The following HDAC9 variants were observed in gnomAD, a reference collection of about 807,000 sequenced individuals.
The protein encoded by HDAC9 is MEF-2 interacting transcription repressor (MITR) protein.
A neutral mutation model predicts 139.4 loss-of-function variants in HDAC9; 41 were observed. That is an observed-to-expected ratio of 0.29 (90% CI 0.23 to 0.38). The LOEUF is 0.38. Among genes scored for constraint, HDAC9 ranks in the 10% least tolerant of loss-of-function variants. HDAC9 has a pLI of 1.00. For synonymous variants in HDAC9, 517 were observed against 476.2 expected (o/e 1.09, Z -1.12); for missense variants, 1,147 against 1,297.0 (o/e 0.88, Z 1.78).
chr7:18,826,387 G>A (rs905363909), intron 17 of HDAC9, among the ~76,000 whole-genome samples: 1 of 152,092 alleles, frequency 6.6e-6, no homozygotes, highest in East Asian at 1.9e-4. Context: ...AAGGAAAGGG[G>A]GGCACTCAGA....
intron 1 of HDAC9, among the ~76,000 whole-genome samples, chr7:18,338,031 G>A (rs1781711407): frequency 6.6e-6 from 1 of 151,634 alleles, no homozygotes; most frequent in South Asian, 2.1e-4. Flanking sequence ...GCAACTTTAA[G>A]GCATTACTAT....
chr7:18,324,541 G>A (rs1800289540), intron 1 of HDAC9, among the ~76,000 whole-genome samples: 1 of 152,056 alleles, frequency 6.6e-6, no homozygotes, highest in African/African-American at 2.4e-5. Context: ...CTTTTAAATG[G>A]CTTACGGTTT....
intron 1 of HDAC9, among the ~76,000 whole-genome samples, chr7:18,354,455 A>C (rs985394881): frequency 6.6e-6 from 1 of 152,194 alleles, no homozygotes; most frequent in African/African-American, 2.4e-5. Flanking sequence ...AGGAGAGAAG[A>C]ATTAATCGCA....
At chr7:18,207,665 C>T (rs1008573384) in intron 2 of HDAC9, among the ~76,000 whole-genome samples, 1 of 150,494 alleles carries the variant, frequency 6.6e-6, no homozygotes, top group Admixed American at 6.7e-5. Context: ...CACACACACA[C>T]ACTTACATAC....
chr7:18,590,805 A>C (rs1160933568), intron 4 of HDAC9, among the ~76,000 whole-genome samples: 1 of 152,176 alleles, frequency 6.6e-6, no homozygotes, highest in Admixed American at 6.6e-5. Context: ...GCTTGTATCC[A>C]CATCTCCTGA....
At chr7:18,627,079 C>T (rs1584318034) in intron 6 of HDAC9, among the ~76,000 whole-genome samples, 1 of 152,182 alleles carries the variant, frequency 6.6e-6, no homozygotes, top group East Asian at 1.9e-4. Flanking sequence ...TCTCAGGTAT[C>T]TAATTGGAAA....
intron 1 of HDAC9, among the ~76,000 whole-genome samples, chr7:18,334,420 C>T (rs1056183069): frequency 6.6e-6 from 1 of 151,280 alleles, no homozygotes; most frequent in Non-Finnish European, 1.5e-5. Flanking sequence ...GCTATTCCTG[C>T]AGGAAAATAT....
In HDAC9 at chr7:18,521,622, C is replaced by T. The variant is rs1057361920; in HGVS notation, c.22+25298C>T. ...ACCATACTGTCTCACCATATTTATT[C>T]GTATGCTGTTGTTTTCTCAAGATAC... On this transcript the variant is annotated intron_variant, in intron 2 of 25. Coordinates refer to ENST00000686413, the MANE Select transcript of HDAC9 (RefSeq NM_178425.4). 6.6e-5 allele frequency among the ~76,000 whole-genome samples: 10 copies of T among 152,208 alleles called. No homozygotes were observed. The East Asian group carries it at 1.7e-3, about 26-fold the overall frequency.
intron 25 of HDAC9, among the ~76,000 whole-genome samples, chr7:18,993,629 C>G (rs1267397745): frequency 7.8e-6 from 1 of 128,778 alleles, no homozygotes; most frequent in Non-Finnish European, 1.6e-5. Flanking sequence ...TAGCAAGACC[C>G]CATCTATAAT....
intron 1 of HDAC9, among the ~76,000 whole-genome samples, chr7:18,321,976 T>G (rs987873101): frequency 6.6e-6 from 1 of 152,238 alleles, no homozygotes; most frequent in Non-Finnish European, 1.5e-5. Flanking sequence ...AAATTTATTT[T>G]ACTCTTCTTT....
At chr7:18,423,445 G>C (rs1789825872) in intron 1 of HDAC9, among the ~76,000 whole-genome samples, 1 of 152,314 alleles carries the variant, frequency 6.6e-6, no homozygotes, top group East Asian at 1.9e-4. Flanking sequence ...ATTACAAGAT[G>C]CTTAAAGCAG....
At chr7:18,824,409 T>C (rs975942234) in intron 17 of HDAC9, among the ~76,000 whole-genome samples, 1 of 152,134 alleles carries the variant, frequency 6.6e-6, no homozygotes, top group African/African-American at 2.4e-5. Flanking sequence ...GGGTCTGAAG[T>C]TTAACCCAGA....
At position 18,278,873 on chromosome 7, in the gene HDAC9, A is replaced by T. The variant is rs551165964; in HGVS notation, c.25+116524A>T. Among the ~76,000 whole-genome samples the T allele has an allele frequency of 2.6e-5, 4 of 152,302 alleles. No homozygotes were observed. The East Asian group carries it at 7.7e-4, about 29-fold the overall frequency. On this transcript the variant is annotated intron_variant, in intron 2 of 12. Transcript: ENST00000417496. Reference sequence around the variant, plus strand: ...AAGGAAGAAAAATAATTTCTTTTCTATTGAATATTCTATTGAACATTCTAT... The same window carrying T: ...AAGGAAGAAAAATAATTTCTTTTCTTTTGAATATTCTATTGAACATTCTAT...
At chr7:18,671,530 T>A (rs1795676248) in intron 12 of HDAC9, among the ~76,000 whole-genome samples, 1 of 152,062 alleles carries the variant, frequency 6.6e-6, no homozygotes, top group Non-Finnish European at 1.5e-5. Context: ...TTGTCTCCTA[T>A]TTTTGTATAT....
At chr7:18,736,142 G>T (rs985396977) in intron 13 of HDAC9, among the ~76,000 whole-genome samples, 2 of 152,142 alleles carry the variant, frequency 1.3e-5, no homozygotes, top group African/African-American at 2.4e-5. Flanking sequence ...GGGCTGAGAC[G>T]ATAGGGTTTT....
rs990192870 is a variant in HDAC9, at chr7:18,503,216, T to A, written c.22+6892T>A. Among the ~76,000 whole-genome samples the A allele has an allele frequency of 2.0e-5, 3 of 152,200 alleles. No homozygotes were observed. The South Asian group carries it at 6.2e-4, about 32-fold the overall frequency. The stretch of plus-strand genomic sequence containing the variant: ...GGCTGTGCCATGGTCCCCCCTGTTT[T>A]TGAAAGGAAGCTGAAGTGAGTGGTT... On this transcript the variant is annotated intron_variant, in intron 2 of 25. Coordinates refer to ENST00000686413, the MANE Select transcript of HDAC9 (RefSeq NM_178425.4).
chr7:18,158,321 T>C (rs1358341286), intron 1 of HDAC9, among the ~76,000 whole-genome samples: 1 of 152,168 alleles, frequency 6.6e-6, no homozygotes, highest in African/African-American at 2.4e-5. Context: ...TTATGGCAAA[T>C]TTTGGATTCA....
At position 18,317,378 on chromosome 7, in the gene HDAC9, G is replaced by A. The variant is rs112904809; in HGVS notation, c.-42+26863G>A. Among the ~76,000 whole-genome samples, 600 of 152,120 alleles carry A rather than the reference G, an allele frequency of 3.9e-3. 3 individuals carry two copies. The highest frequency in any genetic ancestry group is 0.014 in the African/African-American group (583 of 41,514). ...TGGCTCTCTGATTATTCTAAAAAGTGAATTTATTATCTTGAGGGCGTTGCT... is the reference window on the plus strand; with the variant it reads ...TGGCTCTCTGATTATTCTAAAAAGTAAATTTATTATCTTGAGGGCGTTGCT... On this transcript the variant is annotated intron_variant, in intron 1 of 3. Coordinates refer to the HDAC9 transcript ENST00000413509.
intron 24 of HDAC9, among the ~76,000 whole-genome samples, chr7:18,968,668 A>G (rs1048985072): frequency 1.3e-5 from 2 of 152,076 alleles, no homozygotes; most frequent in African/African-American, 4.8e-5. Flanking sequence ...AAGTTACAGA[A>G]TCACTTTATC....
Sources: gnomAD v4.1 joint callset for allele counts (sites outside exome capture counted in the v4.1 genomes callset) on GRCh38, gnomAD v4.1.1 for gene constraint, MANE v1.5 for transcripts, NCBI Gene and HGNC (gene_info 2026-07-23, HGNC 2026-07-21) for gene names.